Variants in MEGF11 observed in about 807,000 individuals in gnomAD.
MEGF11 encodes multiple epidermal growth factor-like domains protein 11.
In MEGF11, 126 loss-of-function variants were observed where a neutral mutation model predicts 146.6. The observed-to-expected ratio is 0.86, with a 90% CI of 0.74 to 1.00. The LOEUF is 1.00. MEGF11 is among the 50% of genes least tolerant of loss of function. The probability of loss-of-function intolerance (pLI) is 0.00; values close to 1 mark genes in which losing one functional copy is unlikely to be tolerated. For synonymous variants in MEGF11, 532 were observed against 583.4 expected, an observed-to-expected ratio of 0.91 and a Z score of 1.27; for missense variants, 1,509 against 1,521.2, an observed-to-expected ratio of 0.99 and a Z score of 0.13.
chr15:66,089,998 A>C (rs8041690), intron 5 of MEGF11, among the ~76,000 whole-genome samples: 11 of 152,182 alleles, frequency 7.2e-5, no homozygotes, highest in African/African-American at 2.2e-4. Flanking sequence ...ATAGTGGTCC[A>C]TCTAACAGCC....
intron 5 of MEGF11, among the ~76,000 whole-genome samples, chr15:66,026,138 G>T (rs1375230888): frequency 1.3e-5 from 2 of 152,242 alleles, no homozygotes; most frequent in Non-Finnish European, 2.9e-5. Context: ...AAGCTCCCCA[G>T]GTGATTCTAA....
chr15:65,903,027 A>T (rs947762872), intron 24 of MEGF11, among the ~76,000 whole-genome samples: 3 of 152,078 alleles, frequency 2.0e-5, no homozygotes, highest in African/African-American at 7.2e-5. Context: ...TGCTACTATT[A>T]ATAGAAGGCC....
At chr15:66,013,586 C>T (rs1187275023) in intron 5 of MEGF11, among the ~76,000 whole-genome samples, 1 of 152,194 alleles carries the variant, frequency 6.6e-6, no homozygotes, top group Non-Finnish European at 1.5e-5. Flanking sequence ...GATCAATTAA[C>T]TTGCCATATC....
At chr15:66,148,499 C>G (rs753023663) in intron 1 of MEGF11, among the ~76,000 whole-genome samples, 3 of 152,178 alleles carry the variant, frequency 2.0e-5, no homozygotes, top group South Asian at 4.1e-4. Flanking sequence ...GCAGGAAGAA[C>G]GACAGGAGGT....
At chr15:65,997,977 G>A (rs546581789) in intron 5 of MEGF11, among the ~76,000 whole-genome samples, 1 of 152,098 alleles carries the variant, frequency 6.6e-6, no homozygotes, top group South Asian at 2.1e-4. Context: ...GAAAGGGCCC[G>A]GGCAGATGTC....
At chr15:66,076,427 G>A (rs893226774) in intron 5 of MEGF11, among the ~76,000 whole-genome samples, 4 of 151,840 alleles carry the variant, frequency 2.6e-5, no homozygotes, top group Admixed American at 2.6e-4. Flanking sequence ...TGGCCATATA[G>A]TAGACATATT....
At chr15:66,156,823 A>G (rs1373028880) in intron 1 of MEGF11, among the ~76,000 whole-genome samples, 1 of 152,126 alleles carries the variant, frequency 6.6e-6, no homozygotes, top group Non-Finnish European at 1.5e-5. Context: ...TCACAGTCCA[A>G]TTTCCTCTGT....
At chr15:66,008,602 T>C (rs983781803) in intron 5 of MEGF11, among the ~76,000 whole-genome samples, 5 of 152,018 alleles carry the variant, frequency 3.3e-5, no homozygotes, top group African/African-American at 1.2e-4. Context: ...AGTGGGAGGA[T>C]TGCTTGAGCC....
chr15:66,127,710 C>T (rs546321721), intron 2 of MEGF11, among the ~76,000 whole-genome samples: 9 of 152,196 alleles, frequency 5.9e-5, no homozygotes, highest in African/African-American at 2.2e-4. Context: ...AAAGTCAGGC[C>T]GTCTGCAGGG....
chr15:65,914,425 G>A (rs1395191179), intron 19 of MEGF11, among the ~76,000 whole-genome samples: 1 of 152,166 alleles, frequency 6.6e-6, no homozygotes, highest in East Asian at 1.9e-4. Flanking sequence ...GTGGCTCAGA[G>A]TCCCTGGTTT....
intron 5 of MEGF11, among the ~76,000 whole-genome samples, chr15:66,059,715 C>T (rs2084825805): frequency 6.6e-6 from 1 of 152,078 alleles, no homozygotes; most frequent in Non-Finnish European, 1.5e-5. Context: ...CCCCATTTGT[C>T]AGGGCCAGAA....
chr15:66,089,648 G>T (rs949020239), intron 5 of MEGF11, among the ~76,000 whole-genome samples: 1 of 152,156 alleles, frequency 6.6e-6, no homozygotes, highest in South Asian at 2.1e-4. Context: ...AGTTAACAGG[G>T]CATATTTAAT....
At chr15:66,065,882 G>T (rs1379198282) in intron 5 of MEGF11, among the ~76,000 whole-genome samples, 1 of 152,178 alleles carries the variant, frequency 6.6e-6, no homozygotes, top group African/African-American at 2.4e-5. Flanking sequence ...AACTTGGACA[G>T]TGTCCACCCA....
At chr15:65,972,853 G>T (rs908497987) in intron 7 of MEGF11, among the ~76,000 whole-genome samples, 2 of 152,164 alleles carry the variant, frequency 1.3e-5, no homozygotes, top group South Asian at 4.1e-4. Context: ...AGCTGGGCAC[G>T]GTGGCTCACG....
At chr15:65,928,190 T>G (rs896588501) in intron 13 of MEGF11, among the ~76,000 whole-genome samples, 30 of 152,192 alleles carry the variant, frequency 2.0e-4, no homozygotes, top group African/African-American at 6.8e-4. Context: ...TGTCAGCTTT[T>G]GACCTACTGG....
intron 5 of MEGF11, among the ~76,000 whole-genome samples, chr15:66,048,974 C>G (rs907745303): frequency 2.0e-5 from 3 of 152,214 alleles, no homozygotes; most frequent in African/African-American, 7.2e-5. Context: ...CCAGCTCTCT[C>G]TCCTCTCAGA....
intron 1 of MEGF11, among the ~76,000 whole-genome samples, chr15:66,240,443 C>T (rs761331703): frequency 9.9e-5 from 15 of 152,204 alleles, no homozygotes; most frequent in Admixed American, 2.0e-4. Context: ...TTGCCTGTCA[C>T]GCGTCTGAGG....
intron 1 of MEGF11, among the ~76,000 whole-genome samples, chr15:66,249,423 A>T (rs1178161248): frequency 6.6e-6 from 1 of 152,196 alleles, no homozygotes; most frequent in Admixed American, 6.5e-5. Context: ...CAATTATAAC[A>T]CTGCTATAAT....
At position 66,190,791 on chromosome 15, in the gene MEGF11, C is replaced by A. The variant is rs1018254617; in HGVS notation, c.-8-62380G>T. Reference sequence around the variant, plus strand: ...GCTGTGTCAGGCCCTGGGCACTACCCAGGGCTTCAATTTCCTTTTTATTAG... The same window carrying A: ...GCTGTGTCAGGCCCTGGGCACTACCAAGGGCTTCAATTTCCTTTTTATTAG... On this transcript the variant is annotated intron_variant, in intron 1 of 25. Coordinates refer to ENST00000395614, the MANE Select transcript of MEGF11 (RefSeq NM_001385028.1). Among the ~76,000 whole-genome samples, 3 of 152,144 alleles carry A rather than the reference C, an allele frequency of 2.0e-5. No homozygotes were observed. In the East Asian group the frequency reaches 5.8e-4, roughly 29 times the overall value.
Sources: allele counts gnomAD v4.1 joint callset (sites outside exome capture counted in the v4.1 genomes callset), GRCh38; gene constraint gnomAD v4.1.1; transcripts MANE v1.5; gene names NCBI Gene and HGNC (gene_info 2026-07-23, HGNC 2026-07-21).